Variants in FGF13 observed in about 807,000 individuals in gnomAD.
FGF13 encodes fibroblast growth factor homologous factor 2.
In FGF13, 2 loss-of-function variants were observed where a neutral mutation model predicts 19.5. That is an observed-to-expected ratio of 0.10 (90% CI 0.04 to 0.32). FGF13 has a LOEUF of 0.32. Ranked by LOEUF, FGF13 falls within the 10% of genes least tolerant of loss-of-function variation. The pLI, the probability that FGF13 is intolerant of heterozygous loss-of-function variation, is 1.00. For missense variants in FGF13, 113 were observed against 192.7 expected (o/e 0.59, Z 2.45); for synonymous variants, 72 against 76.9 (o/e 0.94, Z 0.33).
chrX:138,936,850 G>T (rs1365746737), intron 1 of FGF13, among the ~76,000 whole-genome samples: 2 of 112,017 alleles, frequency 1.8e-5, no homozygotes, highest in Non-Finnish European at 3.8e-5. Context: ...AGGCCACAGT[G>T]AGGGGAGCGG....
intron 1 of FGF13, among the ~76,000 whole-genome samples, chrX:138,942,494 A>T (rs2091762941): frequency 1.8e-5 from 2 of 112,052 alleles, no homozygotes; most frequent in South Asian, 7.4e-4. Context: ...TATGAGCTAC[A>T]GTTCTGGGTC....
intron 3 of FGF13, among the ~76,000 whole-genome samples, chrX:138,822,607 A>C (rs1302583047): frequency 1.8e-5 from 2 of 112,416 alleles, no homozygotes; most frequent in Non-Finnish European, 3.8e-5. Flanking sequence ...GTTATTACTG[A>C]AACTTACAAA....
chrX:139,059,670 A>G (rs1336081871), intron 1 of FGF13, among the ~76,000 whole-genome samples: 1 of 112,043 alleles, frequency 8.9e-6, no homozygotes, highest in Admixed American at 9.5e-5. Context: ...TGTTTTCTAA[A>G]TTCTTTTGCA....
chrX:138,933,863 G>A (rs1490711492), intron 1 of FGF13, among the ~76,000 whole-genome samples: 1 of 111,603 alleles, frequency 9.0e-6, no homozygotes, highest in Non-Finnish European at 1.9e-5. Flanking sequence ...GTTACTGAGG[G>A]CATTGACCAT....
chrX:138,961,452 C>T (rs1469139225), intron 1 of FGF13, among the ~76,000 whole-genome samples: 1 of 111,334 alleles, frequency 9.0e-6, no homozygotes, highest in Non-Finnish European at 1.9e-5. Flanking sequence ...GGTCAAGGAC[C>T]CACTTGAGGA....
chrX:138,942,636 C>T (rs1408435391), intron 1 of FGF13, among the ~76,000 whole-genome samples: 1 of 111,700 alleles, frequency 9.0e-6, no homozygotes, highest in Admixed American at 9.5e-5. Context: ...TTCTTCCTGT[C>T]CATACAAAGA....
chrX:139,177,238 C>CTTTTTTTTTTTT (rs35867493), intron 1 of FGF13, among the ~76,000 whole-genome samples: 2 of 49,943 alleles, frequency 4.0e-5, no homozygotes, highest in African/African-American at 2.2e-4. Context: ...GCAACCCCTG[C>CTTTTTTTTTTTT]TTTTTTTTTT....
intron 3 of FGF13, among the ~76,000 whole-genome samples, chrX:138,832,357 C>A (rs992898693): frequency 8.9e-6 from 1 of 111,896 alleles, no homozygotes; most frequent in African/African-American, 3.2e-5. Context: ...GCCATTCTGA[C>A]TGGTGTGACA....
At chrX:139,102,619 T>C (rs2083522958) in intron 1 of FGF13, among the ~76,000 whole-genome samples, 1 of 112,236 alleles carries the variant, frequency 8.9e-6, no homozygotes, top group South Asian at 3.7e-4. Context: ...TGATAGGGAT[T>C]ACTCTTATAC....
chrX:139,011,327 C>G (rs770359854), intron 1 of FGF13, among the ~76,000 whole-genome samples: 29 of 94,443 alleles, frequency 3.1e-4, no homozygotes, highest in Non-Finnish European at 4.4e-4. Flanking sequence ...ACCCTAATAC[C>G]AAAAACCAGG....
At chrX:139,075,153 G>A (rs1053986884) in intron 1 of FGF13, among the ~76,000 whole-genome samples, 1 of 111,871 alleles carries the variant, frequency 8.9e-6, no homozygotes, top group African/African-American at 3.3e-5. Flanking sequence ...CAAAATGATC[G>A]TTAGTTAAGT....
At chrX:138,747,206 C>T (rs929681316) in intron 3 of FGF13, among the ~76,000 whole-genome samples, 2 of 111,634 alleles carry the variant, frequency 1.8e-5, no homozygotes, top group African/African-American at 3.3e-5. Flanking sequence ...GGAGGCCAAA[C>T]GAATTTGGCA....
intron 1 of FGF13, among the ~76,000 whole-genome samples, chrX:139,097,133 C>T (rs1476663150): frequency 1.8e-5 from 2 of 111,709 alleles, no homozygotes; most frequent in African/African-American, 6.5e-5. Context: ...TAAATCATGA[C>T]CAACTCAGAT....
intron 1 of FGF13, among the ~76,000 whole-genome samples, chrX:138,718,956 T>C: frequency 8.9e-6 from 1 of 111,868 alleles, no homozygotes; most frequent in African/African-American, 3.3e-5. Flanking sequence ...ACATGTAAGG[T>C]AGGTATTATC....
At chrX:138,677,503 C>A (rs1347258270) in intron 3 of FGF13, among the ~76,000 whole-genome samples, 20 of 111,584 alleles carry the variant, frequency 1.8e-4, no homozygotes, top group African/African-American at 6.5e-4. Flanking sequence ...ACAACCCCAT[C>A]AAAAAGTGGG....
chrX:138,679,692 AT>A (rs1201551411), intron 3 of FGF13, among the ~76,000 whole-genome samples: 1 of 112,245 alleles, frequency 8.9e-6, no homozygotes, highest in African/African-American at 3.2e-5. Flanking sequence ...GCCAATGATC[AT>A]CTGAGCCTTT....
chrX:138,826,725 C>T (rs1370092938), intron 3 of FGF13, among the ~76,000 whole-genome samples: 1 of 112,227 alleles, frequency 8.9e-6, no homozygotes, highest in Non-Finnish European at 1.9e-5. Context: ...TACTTTGGAA[C>T]AGCATTACAA....
intron 3 of FGF13, among the ~76,000 whole-genome samples, chrX:138,665,462 G>A (rs1311179117): frequency 9.0e-6 from 1 of 111,484 alleles, no homozygotes; most frequent in African/African-American, 3.3e-5. Flanking sequence ...AGCAGACACA[G>A]GCAAAATAAT....
chrX:138,875,231 C>CAAAAAA (rs748124343), intron 1 of FGF13, among the ~76,000 whole-genome samples: 4 of 39,841 alleles, frequency 1.0e-4, no homozygotes, highest in African/African-American at 3.4e-4. Flanking sequence ...GACTCTGTCT[C>CAAAAAA]AAAAAAAAAA....
Sources: allele counts gnomAD v4.1 joint callset (sites outside exome capture counted in the v4.1 genomes callset), GRCh38; gene constraint gnomAD v4.1.1; transcripts MANE v1.5; gene names NCBI Gene and HGNC (gene_info 2026-07-23, HGNC 2026-07-21).